ITIH1: variants seen among roughly 807,000 people sequenced by gnomAD.
ITIH1 encodes the protein inter-alpha-trypsin inhibitor heavy chain 1.
In ITIH1, 94 loss-of-function variants were observed where a neutral mutation model predicts 104.6. The observed-to-expected ratio is 0.90, with a 90% confidence interval of 0.76 to 1.07. ITIH1 has a LOEUF of 1.07. Among genes scored for constraint, ITIH1 ranks in the 50% least tolerant of loss-of-function variants. ITIH1 has a pLI of 0.00. For synonymous variants in ITIH1, 455 were observed against 464.4 expected (o/e 0.98, Z 0.26); for missense variants, 1,193 against 1,181.4 (o/e 1.01, Z -0.14).
In ITIH1 at chr3:52,783,259, A is replaced by C; in HGVS notation, c.1145A>C (p.Asn382Thr). Residue 382 changes from asparagine to threonine, a missense_variant, in exon 10 of 22, where the codon AAC becomes ACC. Asn to Thr is a moderately conservative substitution (Grantham distance 65, BLOSUM62 0). Transcript: ENST00000273283. ...GGLLRGIEIL[N>T]QVQESLPELS... is the part of the protein sequence containing the mutation. ...TTGCTCCGGGGAATTGAGATCTTGA[A>C]CCAAGTTCAGGAAAGCCTCCCAGAA... 6.2e-7 allele frequency: 1 copy of C among 1,614,026 alleles called. No homozygotes were observed. Among genetic ancestry groups the C allele is most frequent in the Non-Finnish European group, 8.5e-7 (1 of 1,179,988 alleles).
chr3:52,779,066 G>C lies in ITIH1; in HGVS notation c.410+20G>C. 2 of 1,544,062 alleles carry C rather than the reference G, an allele frequency of 1.3e-6. No homozygotes were observed. Among genetic ancestry groups the C allele is most frequent in the South Asian group, 1.1e-5 (1 of 89,662 alleles). On this transcript the variant is annotated intron_variant, in intron 4 of 21. Coordinates refer to ENST00000273283, the MANE Select transcript of ITIH1 (RefSeq NM_002215.4). The surrounding 1 kb of genome is among the most constrained non-coding windows in gnomAD (Gnocchi z 4.4). ...TGTCAGGTGAGTTCTGGGCCTGCTG[G>C]TCTCATCTCTAGGGCTGCCCTCCCC...
intron 12 of ITIH1, among the ~76,000 whole-genome samples, chr3:52,786,023 G>A (rs987889756): frequency 3.3e-5 from 5 of 152,138 alleles, no homozygotes; most frequent in African/African-American, 9.7e-5. Context: ...GGAAACAGCC[G>A]GGTGCTTATT....
chr3:52,788,669 T>C (rs1336520973), intron 18 of ITIH1, among the ~76,000 whole-genome samples: 2 of 151,886 alleles, frequency 1.3e-5, no homozygotes, highest in African/African-American at 4.8e-5. Context: ...CAAGTGATTC[T>C]CCTGCCTCAG....
At chr3:52,784,966 A>G (rs576006715) in intron 11 of ITIH1, 78 bp from the exon 12 acceptor site, 1 of 1,446,350 alleles carries the variant, frequency 6.9e-7, no homozygotes, top group East Asian at 2.3e-5. Flanking sequence ...GGAATTCCCA[A>G]CACTCCACTT....
chr3:52,779,346 A>G lies in ITIH1; in HGVS notation c.411-86A>G. 4 of 1,405,100 alleles carry G rather than the reference A, an allele frequency of 2.8e-6. No homozygotes were observed. The South Asian group carries it at 3.5e-5, about 12-fold the overall frequency. 87.0% of individuals were successfully genotyped at this position (1,405,100 alleles called of 1,614,324 possible). On this transcript the variant is annotated intron_variant, in intron 4 of 21. Coordinates refer to ENST00000273283, the MANE Select transcript of ITIH1 (RefSeq NM_002215.4). This position sits in a 1 kb window ranked among gnomAD's most constrained non-coding sequence, Gnocchi z 4.4. ...AGCAACACTCATCTAAGAGAAATAA[A>G]TTCTGTGGGCCACATGTTAGGTGAC...
At chr3:52,784,578 G>A in intron 11 of ITIH1, 101 bp downstream of exon 11, 1 of 1,221,448 alleles carries the variant, frequency 8.2e-7, no homozygotes, top group Non-Finnish European at 1.1e-6. Flanking sequence ...TAAAGCTCTG[G>A]CATAGAGTTC....
rs766987069 is a variant in ITIH1, at chr3:52,778,408, T to C, written c.207T>C (p.Tyr69=). 3.1e-6 allele frequency: 5 copies of C among 1,614,136 alleles called. No homozygotes were observed. The highest frequency in any genetic ancestry group is 1.3e-5 in the African/African-American group (1 of 74,950). The change falls in exon 3 of 22, where the codon TAT becomes TAC. Residue 69 remains tyrosine, a synonymous_variant. Coordinates refer to ENST00000273283, the MANE Select transcript of ITIH1 (RefSeq NM_002215.4). ...NCKVTSRFAH[Y]VVTSQVVNTA... is the part of the protein sequence containing the mutation. ...AAGTCACCTCTCGCTTCGCCCACTA[T>C]GTTGTCACCAGCCAAGTGGTCAACA...
rs372893557 is a variant in ITIH1, at chr3:52,784,488, A to C, written c.1407+11A>C. On this transcript the variant is annotated intron_variant, in intron 11 of 21. Coordinates refer to ENST00000273283, the MANE Select transcript of ITIH1 (RefSeq NM_002215.4). ...ACCCAGCAGCTGCAGGTCTCCCCTCACAACCCCCTGTACCTCCAATGGCAT... is the reference window on the plus strand; with the variant it reads ...ACCCAGCAGCTGCAGGTCTCCCCTCCCAACCCCCTGTACCTCCAATGGCAT... 120 of 1,612,472 alleles carry C rather than the reference A, an allele frequency of 7.4e-5. No individual in the cohort carries two copies. The highest frequency in any genetic ancestry group is 9.7e-5 in the Non-Finnish European group (114 of 1,179,112).
chr3:52,783,137 G>C lies in ITIH1; in HGVS notation c.1099+12G>C. On this transcript the variant is annotated intron_variant, in intron 9 of 21. Transcript: ENST00000273283. ...TTCCCTGGATGAGGGTAAGGGTGGG[G>C]GTCTCAGGCAACCTTGATGTCACCT... 1 of 1,368,352 alleles carries C rather than the reference G, an allele frequency of 7.3e-7. No homozygotes were observed. Among genetic ancestry groups the C allele is most frequent in the Non-Finnish European group, 1.0e-6 (1 of 974,918 alleles). The allele number at this position is 1,368,352 out of a possible 1,614,324, so 84.8% of individuals were successfully genotyped here. A position where few individuals can be genotyped will look rare whatever the true frequency, so the allele number is the denominator to read the frequency against.
At position 52,789,739 on chromosome 3, in the gene ITIH1, G is replaced by T; in HGVS notation, c.2206G>T (p.Ala736Ser). 1 of 1,614,214 alleles carries T rather than the reference G, an allele frequency of 6.2e-7. No individual in the cohort carries two copies. Among genetic ancestry groups the T allele is most frequent in the Non-Finnish European group, 8.5e-7 (1 of 1,180,030 alleles). ...DGTYFGRLGI[A>S]NPATDFQLEV... The stretch of plus-strand genomic sequence containing the variant: ...CACGTACTTCGGGCGGCTGGGAATC[G>T]CAAACCCTGCCACGGACTTTCAGTT... The change falls in exon 19 of 22, where the codon GCA (alanine) becomes TCA (serine). Residue 736 changes from alanine (A) to serine (S), a missense_variant. Coordinates refer to ENST00000273283, the MANE Select transcript of ITIH1 (RefSeq NM_002215.4).
At chr3:52,786,864 G>T in intron 13 of ITIH1, 81 bp from the exon 14 acceptor site, 2 of 1,419,656 alleles carry the variant, frequency 1.4e-6, no homozygotes, top group Non-Finnish European at 1.9e-6. Flanking sequence ...ATGAATGAAT[G>T]AATGAATAAG....
Position 52,779,839 on chromosome 3 carries a change from G to A in ITIH1, c.573+245G>A. The A allele has an allele frequency of 1.5e-6, 2 of 1,322,028 alleles. No homozygotes were observed. The highest frequency in any genetic ancestry group is 2.0e-6 in the Non-Finnish European group (2 of 1,002,118). 81.9% of individuals were successfully genotyped at this position (1,322,028 alleles called of 1,614,324 possible). Reference sequence around the variant, plus strand: ...AGACGGGGGGTTTCTGTGAGTCCCAGGACCGCCACAGGGATCACGAGAAGT... The same window carrying A: ...AGACGGGGGGTTTCTGTGAGTCCCAAGACCGCCACAGGGATCACGAGAAGT... On this transcript the variant is annotated intron_variant, in intron 5 of 21. Coordinates refer to ENST00000273283, the MANE Select transcript of ITIH1 (RefSeq NM_002215.4). The surrounding 1 kb of genome is among the most constrained non-coding windows in gnomAD (Gnocchi z 4.4).
Position 52,778,489 on chromosome 3 carries a change from C to A in ITIH1, c.288C>A (p.Phe96Leu). 1.2e-6 allele frequency: 2 copies of A among 1,614,256 alleles called. No homozygotes were observed. The highest frequency in any genetic ancestry group is 1.7e-6 in the Non-Finnish European group (2 of 1,180,044). ...AFDLEIPKTA[F>L]ISDFAVTADG... Reference sequence around the variant, plus strand: ...ACCTGGAAATCCCCAAGACAGCATTCATCAGTGACTTTGCCGTGTGCGTGC... The same window carrying A: ...ACCTGGAAATCCCCAAGACAGCATTAATCAGTGACTTTGCCGTGTGCGTGC... The change falls in exon 3 of 22, where the codon TTC becomes TTA. Residue 96 changes from phenylalanine (F) to leucine (L), a missense_variant. Coordinates refer to ENST00000273283, the MANE Select transcript of ITIH1 (RefSeq NM_002215.4).
chr3:52,787,121 A>G (rs1390572594), intron 14 of ITIH1, 22 bp downstream of exon 14: 13 of 1,614,116 alleles, frequency 8.1e-6, no homozygotes, highest in South Asian at 1.1e-5. Flanking sequence ...AGGGGTCTAC[A>G]GAAGGGAGAG....
chr3:52,787,875 TTGG>T (rs1270699288), intron 16 of ITIH1, 108 bp from the exon 17 acceptor site: 2 of 1,102,428 alleles, frequency 1.8e-6, no homozygotes, highest in African/African-American at 3.1e-5. Context: ...ACATCCCTGC[TTGG>T]TGGCCTCAGG....
rs777846461 is a variant in ITIH1, at chr3:52,789,744, C to T, written c.2211C>T (p.Asn737=). Residue 737 remains asparagine (N), a synonymous_variant, in exon 19 of 22, where the codon AAC becomes AAT. Transcript: ENST00000273283. ...ACTTCGGGCGGCTGGGAATCGCAAA[C>T]CCTGCCACGGACTTTCAGTTGGAAG... ...GTYFGRLGIA[N]PATDFQLEVT... The T allele has an allele frequency of 3.1e-6, 5 of 1,614,110 alleles. No homozygotes were observed. The South Asian group carries it at 3.3e-5, about 11-fold the overall frequency.
intron 10 of ITIH1, among the ~76,000 whole-genome samples, chr3:52,783,629 A>G (rs1404832526): frequency 6.6e-6 from 1 of 152,160 alleles, no homozygotes; most frequent in Non-Finnish European, 1.5e-5. Flanking sequence ...AGTTTAATGA[A>G]CTATTTATTT....
rs1160460118 is a variant in ITIH1, at chr3:52,783,339, G to A, written c.1225G>A (p.Gly409Arg). ...IMLTDGDPTE[G>R]VTDRSQILKN... ...GTTGACAGATGGCGATCCCACAGAG[G>A]GTAAGCACCTTGGGGGCTGCCTTGG... Residue 409 changes from glycine to arginine, a missense_variant and splice_region_variant, in exon 10 of 22, where the codon GGG (glycine) becomes AGG (arginine). By Grantham distance (125) the Gly-to-Arg change is moderately radical (BLOSUM62 -2). Coordinates refer to ENST00000273283, the MANE Select transcript of ITIH1 (RefSeq NM_002215.4). 6.2e-7 allele frequency: 1 copy of A among 1,613,654 alleles called. No individual in the cohort carries two copies. The highest frequency in any genetic ancestry group is 1.3e-5 in the African/African-American group (1 of 74,902).
intron 15 of ITIH1, among the ~76,000 whole-genome samples, 159 bp downstream of exon 15, chr3:52,787,361 C>T (rs993277182): frequency 9.9e-5 from 15 of 152,134 alleles, no homozygotes; most frequent in Non-Finnish European, 1.3e-4. Context: ...CACATCACCG[C>T]GAACTCCCTG....
Sources: allele counts gnomAD v4.1 joint callset (sites outside exome capture counted in the v4.1 genomes callset), GRCh38; gene constraint gnomAD v4.1.1; non-coding constraint Gnocchi (gnomAD v3.1); transcripts MANE v1.5; gene names NCBI Gene and HGNC (gene_info 2026-07-23, HGNC 2026-07-21).